The following NDST4 variants were observed in gnomAD, a reference collection of about 807,000 sequenced individuals.
NDST4 encodes N-deacetylase and N-sulfotransferase 4.
A neutral mutation model predicts 100.8 loss-of-function variants in NDST4; 63 were observed. The observed-to-expected ratio is 0.62, with a 90% CI of 0.51 to 0.77. The LOEUF (loss-of-function observed/expected upper bound fraction) is 0.77. Ranked by LOEUF, NDST4 falls within the 30% of genes least tolerant of loss-of-function variation. The probability of loss-of-function intolerance (pLI) is 0.00; values close to 1 mark genes in which losing one functional copy is unlikely to be tolerated. For synonymous variants in NDST4, 377 were observed against 361.8 expected (o/e 1.04, Z -0.48); for missense variants, 943 against 1,018.4 (o/e 0.93, Z 1.01).
chr4:115,101,774 A>G (rs973932406), intron 1 of NDST4, among the ~76,000 whole-genome samples: 3 of 152,126 alleles, frequency 2.0e-5, no homozygotes, highest in African/African-American at 7.2e-5. Flanking sequence ...TGAAAGAGTT[A>G]ATAGGAATAC....
chr4:114,919,113 T>C (rs1388317277), intron 6 of NDST4, among the ~76,000 whole-genome samples: 1 of 152,210 alleles, frequency 6.6e-6, no homozygotes, highest in Non-Finnish European at 1.5e-5. Flanking sequence ...AGCTAAAGAT[T>C]ACTTCCAATG....
Position 114,845,900 on chromosome 4 carries a change from C to T in NDST4, c.2038G>A (p.Ala680Thr). 1 of 1,614,056 alleles carries T rather than the reference C, an allele frequency of 6.2e-7. No individual in the cohort carries two copies. Among genetic ancestry groups the T allele is most frequent in the Non-Finnish European group, 8.5e-7 (1 of 1,179,978 alleles). Residue 680 changes from alanine (A) to threonine (T), a missense_variant, in exon 10 of 14, where the codon GCC becomes ACC. Ala to Thr is a moderately conservative substitution (Grantham distance 58). Coordinates refer to ENST00000264363, the MANE Select transcript of NDST4 (RefSeq NM_022569.3). ...YFHSEEAPRR[A>T]ASLVPKAKII... ...TTGGCTTTGGGGACAAGAGATGCGGCTCGTCTTGGAGCTTCTTCCGAATGG... is the reference window on the plus strand; with the variant it reads ...TTGGCTTTGGGGACAAGAGATGCGGTTCGTCTTGGAGCTTCTTCCGAATGG...
At position 115,044,271 on chromosome 4, in the gene NDST4, T is replaced by A. The variant is rs147481835; in HGVS notation, c.978+31788A>T. Among the ~76,000 whole-genome samples the A allele has an allele frequency of 1.7e-3, 260 of 152,196 alleles. 1 individual carries two copies. Among genetic ancestry groups the A allele is most frequent in the African/African-American group, 6.0e-3 (251 of 41,554 alleles). On this transcript the variant is annotated intron_variant, in intron 2 of 13. Coordinates refer to ENST00000264363, the MANE Select transcript of NDST4 (RefSeq NM_022569.3). ...CTGGAATAAATTACAGTAACATATA[T>A]CTTTTACATTAATATGTTCACTAAA...
At chr4:115,061,497 A>G (rs1728821210) in intron 2 of NDST4, among the ~76,000 whole-genome samples, 1 of 152,120 alleles carries the variant, frequency 6.6e-6, no homozygotes, top group Non-Finnish European at 1.5e-5. Context: ...GCTGGAAACC[A>G]TCATTCTCAG....
intron 1 of NDST4, among the ~76,000 whole-genome samples, chr4:115,112,902 T>G (rs1174630668): frequency 6.6e-6 from 1 of 151,932 alleles, no homozygotes; most frequent in Non-Finnish European, 1.5e-5. Context: ...ATAAGCAATT[T>G]ATGACTGTAA....
intron 9 of NDST4, among the ~76,000 whole-genome samples, chr4:114,846,696 T>C (rs968260279): frequency 6.6e-6 from 1 of 152,210 alleles, no homozygotes; most frequent in South Asian, 2.1e-4. Flanking sequence ...TCTTTAATTA[T>C]GTGTGTAACC....
At chr4:115,109,136 G>T (rs1185217426) in intron 1 of NDST4, among the ~76,000 whole-genome samples, 1 of 151,472 alleles carries the variant, frequency 6.6e-6, no homozygotes, top group Non-Finnish European at 1.5e-5. Context: ...AAAAAGAGAG[G>T]AAGGGAAGGG....
chr4:114,987,648 G>A (rs1276226216), intron 2 of NDST4, among the ~76,000 whole-genome samples: 1 of 152,100 alleles, frequency 6.6e-6, no homozygotes, highest in African/African-American at 2.4e-5. Flanking sequence ...AAAAATAATT[G>A]TATCTTCAAA....
chr4:114,874,400 T>C (rs1045641531), intron 6 of NDST4, among the ~76,000 whole-genome samples: 10 of 152,134 alleles, frequency 6.6e-5, no homozygotes, highest in Non-Finnish European at 1.2e-4. Flanking sequence ...TCTGGAGATA[T>C]GTGGTTCTAA....
chr4:114,994,663 C>T (rs940603554), intron 2 of NDST4, among the ~76,000 whole-genome samples: 3 of 151,796 alleles, frequency 2.0e-5, no homozygotes, highest in African/African-American at 7.3e-5. Context: ...CCTTAGTTAC[C>T]GAACCATTGT....
chr4:114,885,755 T>C (rs1174119593), intron 6 of NDST4, among the ~76,000 whole-genome samples: 1 of 152,130 alleles, frequency 6.6e-6, no homozygotes, highest in Non-Finnish European at 1.5e-5. Context: ...CTGCTTACTG[T>C]ATTTTAATTA....
chr4:115,070,397 T>C (rs1053399401), intron 2 of NDST4, among the ~76,000 whole-genome samples: 2 of 152,010 alleles, frequency 1.3e-5, no homozygotes, highest in Non-Finnish European at 2.9e-5. Context: ...GAATGACAGA[T>C]ACTGGAGGGT....
chr4:114,855,777 A>C (rs1723780246), intron 7 of NDST4, among the ~76,000 whole-genome samples: 1 of 152,064 alleles, frequency 6.6e-6, no homozygotes, highest in South Asian at 2.1e-4. Context: ...GTTCCATGTT[A>C]ATTTTAGGAT....
chr4:114,853,760 C>T (rs1005138202), intron 7 of NDST4, among the ~76,000 whole-genome samples: 6 of 151,970 alleles, frequency 3.9e-5, no homozygotes, highest in Non-Finnish European at 8.8e-5. Context: ...GAAGGAAAAA[C>T]ATTTATGGTT....
intron 2 of NDST4, among the ~76,000 whole-genome samples, chr4:115,069,852 C>T (rs116321341): frequency 0.011 from 1,682 of 152,146 alleles, 16 homozygotes; most frequent in African/African-American, 0.02. Context: ...CACTGCACCC[C>T]CACCTGGGTG....
intron 2 of NDST4, among the ~76,000 whole-genome samples, chr4:115,044,615 A>T (rs1308120335): frequency 1.3e-5 from 2 of 151,964 alleles, no homozygotes; most frequent in Non-Finnish European, 2.9e-5. Context: ...AAACACTCCT[A>T]TGTATTTTGA....
chr4:114,904,126 A>C (rs1724901770), intron 6 of NDST4, among the ~76,000 whole-genome samples: 1 of 152,016 alleles, frequency 6.6e-6, no homozygotes, highest in Non-Finnish European at 1.5e-5. Context: ...TATGAAAGTG[A>C]TCTCTCAATT....
chr4:114,901,013 T>C (rs912767386), intron 6 of NDST4, among the ~76,000 whole-genome samples: 1 of 130,464 alleles, frequency 7.7e-6, no homozygotes, highest in African/African-American at 4.1e-5. Context: ...TCAGACACTA[T>C]ATGATTTTTT....
intron 6 of NDST4, among the ~76,000 whole-genome samples, chr4:114,914,033 A>G (rs1725118069): frequency 6.6e-6 from 1 of 152,246 alleles, no homozygotes; most frequent in Non-Finnish European, 1.5e-5. Flanking sequence ...ATTTGCAACA[A>G]CATGGATGAA....
Sources: allele counts gnomAD v4.1 joint callset (sites outside exome capture counted in the v4.1 genomes callset), GRCh38; gene constraint gnomAD v4.1.1; transcripts MANE v1.5; gene names NCBI Gene and HGNC (gene_info 2026-07-23, HGNC 2026-07-21).